The following ARHGAP24 variants were observed in gnomAD, a reference collection of about 807,000 sequenced individuals.
ARHGAP24 encodes Rho GTPase activating protein 24.
ARHGAP24 carries 50 observed loss-of-function variants against 76.4 expected under a neutral mutation model. The ratio of observed to expected loss-of-function variants is 0.65; its 90% CI spans 0.52 to 0.83. The LOEUF is 0.83. Ranked by LOEUF, ARHGAP24 falls within the 40% of genes least tolerant of loss-of-function variation. ARHGAP24 has a pLI of 0.00. For missense variants in ARHGAP24, 930 were observed against 914.2 expected (o/e 1.02, Z -0.22); for synonymous variants, 345 against 323.3 (o/e 1.07, Z -0.72).
At chr4:85,883,815 G>C (rs1479192540) in intron 3 of ARHGAP24, among the ~76,000 whole-genome samples, 1 of 152,064 alleles carries the variant, frequency 6.6e-6, no homozygotes, top group African/African-American at 2.4e-5. Flanking sequence ...CTTTCATTTG[G>C]GTCTTATATG....
chr4:85,557,831 G>T (rs1726449833), intron 1 of ARHGAP24, among the ~76,000 whole-genome samples: 2 of 152,172 alleles, frequency 1.3e-5, no homozygotes, highest in Admixed American at 6.5e-5. Flanking sequence ...CATATTCTTA[G>T]TGATGTCTTT....
At chr4:85,851,903 TG>T (rs1228387047) in intron 3 of ARHGAP24, among the ~76,000 whole-genome samples, 1 of 152,202 alleles carries the variant, frequency 6.6e-6, no homozygotes, top group Admixed American at 6.5e-5. Flanking sequence ...ATTTCAACCT[TG>T]GTGAATCTGA....
chr4:85,655,701 T>C (rs1260788550), intron 2 of ARHGAP24, among the ~76,000 whole-genome samples: 1 of 149,622 alleles, frequency 6.7e-6, no homozygotes, highest in African/African-American at 2.5e-5. Flanking sequence ...GAACCCGGAA[T>C]GCGGAGGTTG....
At chr4:85,972,235 A>G in intron 6 of ARHGAP24, 67 bp downstream of exon 6, 1 of 1,596,086 alleles carries the variant, frequency 6.3e-7, no homozygotes, top group Non-Finnish European at 8.5e-7. Context: ...CTTAGTCTTA[A>G]ATCTGTAAAT....
intron 3 of ARHGAP24, among the ~76,000 whole-genome samples, chr4:85,758,707 C>T (rs1726621229): frequency 6.6e-6 from 1 of 152,168 alleles, no homozygotes; most frequent in Non-Finnish European, 1.5e-5. Context: ...GGAGGAACAA[C>T]CTTGTGGAAG....
At chr4:85,820,534 A>T (rs909841585) in intron 3 of ARHGAP24, among the ~76,000 whole-genome samples, 7 of 152,248 alleles carry the variant, frequency 4.6e-5, no homozygotes, top group African/African-American at 1.7e-4. Flanking sequence ...ATTGGGTTTT[A>T]TACTTATTAC....
chr4:85,923,609 G>A (rs1166303171), intron 3 of ARHGAP24, 39 bp from the exon 4 acceptor site: 2 of 1,612,332 alleles, frequency 1.2e-6, no homozygotes, highest in Non-Finnish European at 8.5e-7. Flanking sequence ...AGGAATCTCT[G>A]GATGCAACTT....
At chr4:85,706,314 A>T (rs1724305609) in intron 2 of ARHGAP24, among the ~76,000 whole-genome samples, 1 of 152,230 alleles carries the variant, frequency 6.6e-6, no homozygotes, top group Non-Finnish European at 1.5e-5. Context: ...CATTTTGCTT[A>T]TTAAATAAAA....
chr4:85,740,960 AAC>A (rs1306427066), intron 3 of ARHGAP24, among the ~76,000 whole-genome samples: 1 of 152,248 alleles, frequency 6.6e-6, no homozygotes. Flanking sequence ...TCTTTAATTT[AAC>A]AGTGCTTGTA....
chr4:85,798,686 T>G (rs1464137616), intron 3 of ARHGAP24, among the ~76,000 whole-genome samples: 1 of 152,236 alleles, frequency 6.6e-6, no homozygotes, highest in Admixed American at 6.5e-5. Context: ...ACAGAATAAA[T>G]TTTTGTACTA....
At chr4:85,669,684 T>TG in intron 2 of ARHGAP24, among the ~76,000 whole-genome samples, 1 of 85,440 alleles carries the variant, frequency 1.2e-5, no homozygotes. Flanking sequence ...TATATATATA[T>TG]ATATATATGT....
chr4:85,534,585 G>C (rs1354739342), intron 1 of ARHGAP24, among the ~76,000 whole-genome samples: 1 of 152,146 alleles, frequency 6.6e-6, no homozygotes, highest in Non-Finnish European at 1.5e-5. Flanking sequence ...ATAAATGTGG[G>C]TTAAAAGAAG....
intron 3 of ARHGAP24, among the ~76,000 whole-genome samples, chr4:85,847,465 GAT>G (rs1730954737): frequency 6.6e-6 from 1 of 152,144 alleles, no homozygotes; most frequent in Admixed American, 6.5e-5. Flanking sequence ...GGGTCATAAA[GAT>G]AGATATAGCA....
At chr4:85,891,140 T>C (rs1733866699) in intron 3 of ARHGAP24, among the ~76,000 whole-genome samples, 1 of 152,108 alleles carries the variant, frequency 6.6e-6, no homozygotes, top group Admixed American at 6.6e-5. Context: ...TATGACTAAA[T>C]GACTGAGTAG....
intron 3 of ARHGAP24, among the ~76,000 whole-genome samples, chr4:85,777,068 G>C (rs1020582628): frequency 5.3e-5 from 8 of 152,142 alleles, no homozygotes; most frequent in Admixed American, 5.2e-4. Flanking sequence ...TGCTGTCATT[G>C]TGTCAAAAAC....
At chr4:85,858,547 T>C (rs562277642) in intron 3 of ARHGAP24, among the ~76,000 whole-genome samples, 24 of 152,264 alleles carry the variant, frequency 1.6e-4, no homozygotes, top group African/African-American at 5.3e-4. Flanking sequence ...GCCAATGGTA[T>C]TCAATAAATT....
chr4:85,837,744 G>T (rs2110143522), intron 3 of ARHGAP24, among the ~76,000 whole-genome samples: 1 of 152,204 alleles, frequency 6.6e-6, no homozygotes, highest in South Asian at 2.1e-4. Context: ...CACACCATAT[G>T]GACTGTATTC....
At chr4:85,542,258 ATGC>A (rs770815914) in intron 1 of ARHGAP24, among the ~76,000 whole-genome samples, 8 of 152,178 alleles carry the variant, frequency 5.3e-5, no homozygotes, top group Non-Finnish European at 1.0e-4. Flanking sequence ...TCCTTGGGAA[ATGC>A]TGCTATTTTT....
intron 1 of ARHGAP24, among the ~76,000 whole-genome samples, chr4:85,492,694 A>G (rs554302785): frequency 6.6e-6 from 1 of 152,324 alleles, no homozygotes; most frequent in East Asian, 1.9e-4. Context: ...TTCAAAATCT[A>G]TATTTTATTT....
Sources: allele counts gnomAD v4.1 joint callset (sites outside exome capture counted in the v4.1 genomes callset), GRCh38; gene constraint gnomAD v4.1.1; transcripts MANE v1.5; gene names NCBI Gene and HGNC (gene_info 2026-07-23, HGNC 2026-07-21).